The following SPATA17 variants were observed in gnomAD, a reference collection of about 807,000 sequenced individuals.
The protein encoded by SPATA17 is spermatogenesis-associated protein 17.
In SPATA17, 53 loss-of-function variants were observed where a neutral mutation model predicts 62.2. The ratio of observed to expected loss-of-function variants is 0.85; its 90% confidence interval spans 0.68 to 1.07. SPATA17 has a LOEUF of 1.07. Among genes scored for constraint, SPATA17 ranks in the 50% least tolerant of loss-of-function variants. The pLI is 0.00. For synonymous variants in SPATA17, 146 were observed against 146.8 expected (o/e 0.99, Z 0.04); for missense variants, 466 against 425.5 (o/e 1.10, Z -0.84).
At chr1:217,672,713 G>GGGTC (rs1333044535) in intron 4 of SPATA17, among the ~76,000 whole-genome samples, 4 of 151,888 alleles carry the variant, frequency 2.6e-5, no homozygotes, top group African/African-American at 9.7e-5. Flanking sequence ...ATTTTTTAAA[G>GGGTC]GGTCACCTTT....
chr1:217,857,136 C>A (rs1180125502), intron 9 of SPATA17, among the ~76,000 whole-genome samples: 1 of 152,076 alleles, frequency 6.6e-6, no homozygotes, highest in African/African-American at 2.4e-5. Context: ...TCTCTAATCT[C>A]AAAAGTTTTG....
chr1:217,639,337 C>A (rs149294239), intron 1 of SPATA17, among the ~76,000 whole-genome samples: 265 of 152,108 alleles, frequency 1.7e-3, no homozygotes, highest in African/African-American at 5.8e-3. Flanking sequence ...ATCAAAGATT[C>A]ATTTGGGGAT....
chr1:217,853,557 T>C (rs1219597108), intron 9 of SPATA17, among the ~76,000 whole-genome samples: 2 of 152,182 alleles, frequency 1.3e-5, no homozygotes, highest in African/African-American at 2.4e-5. Flanking sequence ...ATGAAAGAGC[T>C]TGACTGTCTT....
intron 9 of SPATA17, among the ~76,000 whole-genome samples, chr1:217,854,740 G>A (rs1281438211): frequency 6.6e-6 from 1 of 152,186 alleles, no homozygotes; most frequent in Non-Finnish European, 1.5e-5. Flanking sequence ...GGAGGACCCT[G>A]ATGATGTCCA....
At chr1:217,749,507 GATTCTAAACTATC>G (rs1170499244) in intron 6 of SPATA17, among the ~76,000 whole-genome samples, 3 of 151,626 alleles carry the variant, frequency 2.0e-5, no homozygotes, top group African/African-American at 7.3e-5. Flanking sequence ...AACGATCCAC[GATTCTAAACTATC>G]CCCAGTTATC....
intron 3 of SPATA17, among the ~76,000 whole-genome samples, chr1:217,657,793 G>A (rs1455518268): frequency 6.6e-6 from 1 of 152,148 alleles, no homozygotes; most frequent in Non-Finnish European, 1.5e-5. Flanking sequence ...GTTTGTCCCT[G>A]TATTAGTCTG....
intron 5 of SPATA17, among the ~76,000 whole-genome samples, chr1:217,698,994 CT>C (rs1297768627): frequency 2.0e-5 from 3 of 152,128 alleles, no homozygotes; most frequent in Non-Finnish European, 2.9e-5. Flanking sequence ...TTATGATTGA[CT>C]TTTTTTCCAC....
At position 217,871,037 on chromosome 1, in the gene SPATA17, C is replaced by T. The variant is rs987789435; in HGVS notation, c.*4018C>T. ...TGAATGCGTGCATTGTGGCCTGTTA[C>T]TTTTAACTAGTCTCACTAATTTATA... On this transcript the variant is annotated 3_prime_UTR_variant, in exon 11 of 11. Coordinates refer to ENST00000366933, the MANE Select transcript of SPATA17 (RefSeq NM_138796.4). The T allele has an allele frequency of 6.7e-6, 1 of 149,066 alleles. No homozygotes were observed. Among genetic ancestry groups the T allele is most frequent in the Non-Finnish European group, 1.5e-5 (1 of 65,680 alleles). 9.2% of individuals were successfully genotyped at this position (149,066 alleles called of 1,614,324 possible).
intron 6 of SPATA17, among the ~76,000 whole-genome samples, chr1:217,760,223 A>G (rs1211888179): frequency 6.6e-6 from 1 of 152,186 alleles, no homozygotes; most frequent in Non-Finnish European, 1.5e-5. Flanking sequence ...GTTGTGAAGA[A>G]TAGTTATATT....
At chr1:217,683,836 TA>T (rs1183556029) in intron 5 of SPATA17, among the ~76,000 whole-genome samples, 3 of 151,956 alleles carry the variant, frequency 2.0e-5, no homozygotes, top group African/African-American at 7.2e-5. Flanking sequence ...ATTATTATAT[TA>T]AAAAAATCTT....
intron 5 of SPATA17, among the ~76,000 whole-genome samples, chr1:217,701,627 TTCAC>T (rs1671601509): frequency 1.3e-5 from 2 of 151,380 alleles, no homozygotes; most frequent in Admixed American, 1.3e-4. Flanking sequence ...CCTCAGGTGA[TTCAC>T]CTGCCTCGGC....
chr1:217,805,909 A>C (rs1674421941), intron 9 of SPATA17, among the ~76,000 whole-genome samples: 1 of 152,344 alleles, frequency 6.6e-6, no homozygotes, highest in South Asian at 2.1e-4. Flanking sequence ...TTTGTCAATT[A>C]TACCTCAGTA....
chr1:217,697,055 C>T (rs1671475849), intron 5 of SPATA17, among the ~76,000 whole-genome samples: 1 of 152,202 alleles, frequency 6.6e-6, no homozygotes, highest in Non-Finnish European at 1.5e-5. Flanking sequence ...GTCACCCAGG[C>T]TGGAGTGCAG....
intron 5 of SPATA17, among the ~76,000 whole-genome samples, chr1:217,708,473 G>C (rs1671785732): frequency 6.6e-6 from 1 of 152,066 alleles, no homozygotes; most frequent in Non-Finnish European, 1.5e-5. Context: ...TAAATTCCTA[G>C]AAACATACAA....
chr1:217,743,855 C>T (rs537458639), intron 6 of SPATA17, among the ~76,000 whole-genome samples: 8 of 152,142 alleles, frequency 5.3e-5, no homozygotes, highest in South Asian at 4.2e-4. Flanking sequence ...GTGATCCCCC[C>T]GCCTGGGCCT....
intron 4 of SPATA17, among the ~76,000 whole-genome samples, chr1:217,669,705 T>C (rs1167398423): frequency 2.0e-5 from 3 of 152,054 alleles, no homozygotes; most frequent in East Asian, 3.8e-4. Flanking sequence ...ATTTCTTAAG[T>C]GAATTTCATT....
intron 9 of SPATA17, among the ~76,000 whole-genome samples, chr1:217,842,356 T>C (rs935676626): frequency 1.3e-5 from 2 of 152,074 alleles, no homozygotes; most frequent in Admixed American, 1.3e-4. Flanking sequence ...TCTTTTTCAA[T>C]TTTTGGAAGA....
chr1:217,638,016 T>A (rs1332874967), intron 1 of SPATA17, among the ~76,000 whole-genome samples: 1 of 152,136 alleles, frequency 6.6e-6, no homozygotes, highest in Non-Finnish European at 1.5e-5. Flanking sequence ...GGTATATTAG[T>A]AAGTACCCAA....
intron 6 of SPATA17, among the ~76,000 whole-genome samples, chr1:217,746,917 A>T (rs1672769861): frequency 6.6e-6 from 1 of 152,048 alleles, no homozygotes. Flanking sequence ...TGCATAAATA[A>T]TCAATCACCA....
Sources: gnomAD v4.1 joint callset for allele counts (sites outside exome capture counted in the v4.1 genomes callset) on GRCh38, gnomAD v4.1.1 for gene constraint, MANE v1.5 for transcripts, NCBI Gene and HGNC (gene_info 2026-07-23, HGNC 2026-07-21) for gene names.